The following CAPS2 variants were observed in gnomAD, a reference collection of about 807,000 sequenced individuals.
The protein encoded by CAPS2 is calcyphosine 2, also known as calcyphosin-2.
In CAPS2, 98 loss-of-function variants were observed where a neutral mutation model predicts 86.5. The ratio of observed to expected loss-of-function variants is 1.13; its 90% confidence interval spans 0.96 to 1.34. The LOEUF (loss-of-function observed/expected upper bound fraction) is 1.34. CAPS2 is among the 40% of genes most tolerant of loss of function. The probability of loss-of-function intolerance (pLI) is 0.00; values close to 1 mark genes in which losing one functional copy is unlikely to be tolerated. For missense variants in CAPS2, 729 were observed against 686.8 expected, an observed-to-expected ratio of 1.06 and a Z score of -0.69; for synonymous variants, 210 against 225.1, an observed-to-expected ratio of 0.93 and a Z score of 0.60.
chr12:75,367,518 G>A (rs80287212), intron 1 of CAPS2, among the ~76,000 whole-genome samples: 283 of 54,410 alleles, frequency 5.2e-3, no homozygotes, highest in African/African-American at 0.013. Flanking sequence ...TCTCCACGTC[G>A]TGTACCACAG....
intron 14 of CAPS2, among the ~76,000 whole-genome samples, chr12:75,288,565 A>T (rs764801482): frequency 5.9e-5 from 9 of 152,240 alleles, no homozygotes; most frequent in Non-Finnish European, 1.3e-4. Flanking sequence ...TTGAAGCAAA[A>T]GAGAACAATG....
In CAPS2 at chr12:75,280,053, C is replaced by T. The variant is rs547340679; in HGVS notation, c.1613-988G>A. 4.0e-5 allele frequency among the ~76,000 whole-genome samples: 6 copies of T among 151,892 alleles called. No homozygotes were observed. The South Asian group carries it at 1.2e-3, about 32-fold the overall frequency. On this transcript the variant is annotated intron_variant, in intron 16 of 16. Transcript: ENST00000393284. ...CTATAACTAAATTTTTTTCAGTCCT[C>T]TCGGAGACCAGAAAATATTTACAGC...
At chr12:75,375,717 C>T (rs1459336702) in intron 1 of CAPS2, among the ~76,000 whole-genome samples, 1 of 152,164 alleles carries the variant, frequency 6.6e-6, no homozygotes, top group Non-Finnish European at 1.5e-5. Context: ...TCTAGAAACA[C>T]CGTAATTAAT....
At chr12:75,298,337 G>A (rs916989385) in intron 11 of CAPS2, 13 of 208,516 alleles carry the variant, frequency 6.2e-5, no homozygotes, top group Non-Finnish European at 1.9e-5. Flanking sequence ...ATCCTCGGAG[G>A]ATAAACCTAC....
intron 1 of CAPS2, among the ~76,000 whole-genome samples, chr12:75,368,028 C>T (rs1441515020): frequency 2.0e-5 from 3 of 152,008 alleles, no homozygotes; most frequent in African/African-American, 7.2e-5. Flanking sequence ...TTTTTTCCTG[C>T]ATCTCTTGAA....
At chr12:75,311,066 T>A (rs1369449450) in intron 7 of CAPS2, among the ~76,000 whole-genome samples, 3 of 152,208 alleles carry the variant, frequency 2.0e-5, no homozygotes, top group Non-Finnish European at 4.4e-5. Flanking sequence ...TGGTGACACA[T>A]AATTAATACG....
At chr12:75,312,906 C>A in exon 7 of CAPS2, 1 of 1,602,022 alleles carries the variant, frequency 6.2e-7, no homozygotes, top group Non-Finnish European at 8.5e-7. Context: ...TTCTCTGCAG[C>A]CACAATTTCC....
chr12:75,376,593 C>G (rs868512623), intron 1 of CAPS2, among the ~76,000 whole-genome samples: 1 of 152,264 alleles, frequency 6.6e-6, no homozygotes, highest in South Asian at 2.1e-4. Flanking sequence ...AGTATGGATG[C>G]GAGAAGGGAT....
upstream of CAPS2, among the ~76,000 whole-genome samples, chr12:75,333,156 C>A (rs143886543): frequency 1.1e-3 from 174 of 152,252 alleles, 1 homozygote; most frequent in Middle Eastern, 3.4e-3. Flanking sequence ...CTTAAAAGTT[C>A]TCTTTCTCTT....
chr12:75,298,776 TTG>T lies in CAPS2; in HGVS notation c.953_954del (p.Thr318LysfsTer12). ...CTTTTTTGAATAAAAGGAAGCACAT[TTG>T]TTCTAGAAAGTAAATGAAAAAAAAA... is the stretch of plus-strand genomic sequence containing the variant. On this transcript the variant is annotated frameshift_variant and splice_region_variant, in exon 11 of 17. Coordinates refer to ENST00000393284, the Ensembl canonical transcript of CAPS2. LOFTEE classifies it high-confidence loss of function. The T allele has an allele frequency of 6.2e-7, 1 of 1,613,254 alleles. No homozygotes were observed. Among genetic ancestry groups the T allele is most frequent in the Admixed American group, 1.7e-5 (1 of 60,000 alleles).
At chr12:75,305,118 A>G (rs1483621082) in intron 7 of CAPS2, among the ~76,000 whole-genome samples, 1 of 152,206 alleles carries the variant, frequency 6.6e-6, no homozygotes, top group Non-Finnish European at 1.5e-5. Context: ...TAAGAGCTCC[A>G]TGTTTTTATT....
chr12:75,316,842 A>G (rs2039820949), intron 5 of CAPS2, among the ~76,000 whole-genome samples: 1 of 152,208 alleles, frequency 6.6e-6, no homozygotes, highest in African/African-American at 2.4e-5. Flanking sequence ...TTATAAAATT[A>G]AATTCAGAAA....
chr12:75,352,232 C>T (rs60691722), intron 1 of CAPS2, among the ~76,000 whole-genome samples: 1,803 of 152,300 alleles, frequency 0.012, 29 homozygotes, highest in African/African-American at 0.041. Context: ...AAAGAGCCAA[C>T]ATCCATCAGT....
intron 1 of CAPS2, among the ~76,000 whole-genome samples, chr12:75,357,495 T>C (rs1953979822): frequency 6.6e-6 from 1 of 152,006 alleles, no homozygotes; most frequent in South Asian, 2.1e-4. Context: ...AGTTGAACAC[T>C]CTCAAGCAAC....
intron 16 of CAPS2, among the ~76,000 whole-genome samples, chr12:75,281,002 T>C (rs905830796): frequency 6.6e-6 from 1 of 151,920 alleles, no homozygotes; most frequent in Admixed American, 6.6e-5. Flanking sequence ...GCTCATAAAA[T>C]ATTGTCAATA....
rs973660898 is a variant in CAPS2 at position 75,372,489 on chromosome 12, C to T, written c.-395+18349G>A. Among the ~76,000 whole-genome samples, 41 of 152,168 alleles carry T rather than the reference C, an allele frequency of 2.7e-4. 1 individual carries two copies. The highest frequency in any genetic ancestry group is 9.9e-4 in the African/African-American group (41 of 41,442). ...GCATTTCTCCCTCTGGAACTAAGAT[C>T]TGTAGACCAGCAGAACGTAATGTCA... On this transcript the variant is annotated intron_variant, in intron 1 of 5. Coordinates refer to the CAPS2 transcript ENST00000551829.
At chr12:75,362,721 A>G (rs148930431) in intron 1 of CAPS2, among the ~76,000 whole-genome samples, 45 of 152,318 alleles carry the variant, frequency 3.0e-4, no homozygotes, top group African/African-American at 9.6e-4. Flanking sequence ...GGACTATGAT[A>G]TTATACTTTA....
intron 14 of CAPS2, among the ~76,000 whole-genome samples, chr12:75,289,076 C>G (rs1307807664): frequency 2.0e-5 from 3 of 152,084 alleles, no homozygotes; most frequent in African/African-American, 7.2e-5. Context: ...GATTATTAAT[C>G]ATTTGCAGTG....
At chr12:75,285,027 A>G (rs2034617614) in exon 15 of CAPS2, 2 of 1,611,242 alleles carry the variant, frequency 1.2e-6, no homozygotes, top group Non-Finnish European at 1.7e-6. Context: ...ATTCTCCATA[A>G]TCAACCTTGC....
Sources: allele counts gnomAD v4.1 joint callset (sites outside exome capture counted in the v4.1 genomes callset), GRCh38; gene constraint gnomAD v4.1.1; transcripts MANE v1.5; gene names NCBI Gene and HGNC (gene_info 2026-07-23, HGNC 2026-07-21).